Variants in COL4A5 observed in about 807,000 individuals in gnomAD.
COL4A5 encodes the protein collagen type IV alpha 5 chain.
A neutral mutation model predicts 130.2 loss-of-function variants in COL4A5; 26 were observed. The ratio of observed to expected loss-of-function variants is 0.20; its 90% confidence interval spans 0.15 to 0.28. The LOEUF is 0.28. Among genes scored for constraint, COL4A5 ranks in the 10% least tolerant of loss-of-function variants. The pLI, the probability that COL4A5 is intolerant of heterozygous loss-of-function variation, is 1.00. For missense variants in COL4A5, 1,131 were observed against 1,344.3 expected (o/e 0.84, Z 2.48); for synonymous variants, 496 against 439.6 (o/e 1.13, Z -1.60).
At position 108,443,596 on chromosome X, in the gene COL4A5, T is replaced by C. The variant is rs773131390; in HGVS notation, c.81+3390T>C. Among the ~76,000 whole-genome samples the C allele has an allele frequency of 7.1e-5, 8 of 112,116 alleles. No homozygotes were observed. The South Asian group carries it at 3.0e-3, about 42-fold the overall frequency. The stretch of plus-strand genomic sequence containing the variant: ...ATATATATCTTTAGTCTTATGCATA[T>C]ATCTATATATGTATCTGTCCCATGG... On this transcript the variant is annotated intron_variant, in intron 1 of 52. Transcript: ENST00000328300.
intron 22 of COL4A5, among the ~76,000 whole-genome samples, chrX:108,596,151 C>T (rs756536996): frequency 7.5e-4 from 84 of 112,283 alleles, no homozygotes; most frequent in Middle Eastern, 9.2e-3. Context: ...CCAGTATTCT[C>T]TTGAAATTAC....
chrX:108,632,228 G>A (rs1258069529), intron 36 of COL4A5, among the ~76,000 whole-genome samples: 1 of 110,501 alleles, frequency 9.0e-6, no homozygotes, highest in African/African-American at 3.3e-5. Context: ...GAAAATCTAG[G>A]AAGAAATGGA....
chrX:108,601,826 G>A, intron 26 of COL4A5, 59 bp from the exon 27 acceptor site: 1 of 689,347 alleles, frequency 1.5e-6, no homozygotes, highest in Non-Finnish European at 2.3e-6. Context: ...CACTGCACCT[G>A]GCCCTGATGG....
chrX:108,494,979 GTTAA>G (rs768526510), intron 1 of COL4A5, among the ~76,000 whole-genome samples: 1 of 111,510 alleles, frequency 9.0e-6, no homozygotes, highest in East Asian at 2.8e-4. Context: ...TATAGCTGTA[GTTAA>G]TTAAAACAGT....
Position 108,687,685 on chromosome X carries a change from C to G in COL4A5, c.4519C>G (p.Gln1507Glu). The G allele has an allele frequency of 1.7e-6, 2 of 1,205,219 alleles. No individual in the cohort carries two copies. The highest frequency in any genetic ancestry group is 2.2e-6 in the Non-Finnish European group (2 of 889,863). ...ACAAGGAAATAAAAGAGCCCACGGT[C>G]AAGACTTGGGTGAGATAATCAATAT... ...YVQGNKRAHG[Q>E]DLGTAGSCLR... The change falls in exon 49 of 53, where the codon CAA (glutamine) becomes GAA (glutamate). Residue 1507 changes from glutamine (Q) to glutamate (E), a missense_variant. Coordinates refer to ENST00000328300, the MANE Select transcript of COL4A5 (RefSeq NM_033380.3).
At chrX:108,656,260 A>G (rs1484753697) in intron 37 of COL4A5, among the ~76,000 whole-genome samples, 1 of 111,711 alleles carries the variant, frequency 9.0e-6, no homozygotes, top group Non-Finnish European at 1.9e-5. Context: ...GAAATCATAC[A>G]GTGATCCTTG....
At chrX:108,606,920 T>C (rs774753030) in intron 29 of COL4A5, 28 bp downstream of exon 29, 3 of 1,207,139 alleles carry the variant, frequency 2.5e-6, no homozygotes, top group Non-Finnish European at 3.4e-6. Flanking sequence ...GCATCTCAAC[T>C]TGCTTTTAAC....
intron 44 of COL4A5, among the ~76,000 whole-genome samples, chrX:108,679,100 A>G (rs2068371510): frequency 8.9e-6 from 1 of 112,304 alleles, no homozygotes; most frequent in African/African-American, 3.2e-5. Flanking sequence ...AAGGAGGTCC[A>G]TGATGTCTAT....
chrX:108,614,862 G>A lies in COL4A5; in HGVS notation c.2396-49G>A, dbSNP rs377031666. The A allele has an allele frequency of 5.6e-6, 5 of 887,381 alleles. No individual in the cohort carries two copies. In the African/African-American group the frequency reaches 7.9e-5, roughly 14 times the overall value. 73.1% of individuals were successfully genotyped at this position (887,381 alleles called of 1,213,427 possible). A position where few individuals can be genotyped will look rare whatever the true frequency, so the allele number is the denominator to read the frequency against. ...AATATGATATGGTTCCCAAGGACTA[G>A]TGACTCAGGTGTTGCTTTTAATATT... On this transcript the variant is annotated intron_variant, in intron 29 of 52. Coordinates refer to ENST00000328300, the MANE Select transcript of COL4A5 (RefSeq NM_033380.3).
At chrX:108,592,791 A>G (rs748727066) in intron 21 of COL4A5, among the ~76,000 whole-genome samples, 30 of 105,589 alleles carry the variant, frequency 2.8e-4, no homozygotes, top group Non-Finnish European at 4.5e-4. Context: ...ATGTGTATCC[A>G]TGTAATTACC....
intron 1 of COL4A5, among the ~76,000 whole-genome samples, chrX:108,517,197 A>G (rs1430661230): frequency 9.0e-6 from 1 of 111,405 alleles, no homozygotes; most frequent in African/African-American, 3.3e-5. Context: ...TTTATTTTTG[A>G]AAATATACGT....
chrX:108,526,614 TTC>T (rs1161454083), intron 1 of COL4A5, among the ~76,000 whole-genome samples: 2 of 57,899 alleles, frequency 3.5e-5, no homozygotes. Flanking sequence ...CTTTCTTTCT[TTC>T]TTTCTTTCTT....
chrX:108,486,528 G>A (rs1300083440), intron 1 of COL4A5, among the ~76,000 whole-genome samples: 3 of 111,326 alleles, frequency 2.7e-5, no homozygotes, highest in Non-Finnish European at 3.8e-5. Flanking sequence ...CCCGAGCAGT[G>A]TACACTGTAC....
intron 42 of COL4A5, among the ~76,000 whole-genome samples, chrX:108,673,458 G>C (rs1287535942): frequency 9.0e-6 from 1 of 110,888 alleles, no homozygotes; most frequent in African/African-American, 3.3e-5. Context: ...TAACCAAGGG[G>C]TGCTCTATTT....
chrX:108,463,724 G>T (rs2064676029), intron 1 of COL4A5, among the ~76,000 whole-genome samples: 1 of 111,628 alleles, frequency 9.0e-6, no homozygotes, highest in South Asian at 3.8e-4. Context: ...CACATTGTTA[G>T]CTTAGTGTAG....
rs372958273 is a variant in COL4A5, at chrX:108,494,968, A to G, written c.82-44778A>G. Among the ~76,000 whole-genome samples the G allele has an allele frequency of 9.1e-4, 102 of 111,605 alleles. 3 individuals carry two copies. The highest frequency in any genetic ancestry group is 3.0e-3 in the African/African-American group (92 of 30,822). ...ACTCTACATGATATTATGACCTACT[A>G]TATAGCTGTAGTTAATTAAAACAGT... On this transcript the variant is annotated intron_variant, in intron 1 of 52. Coordinates refer to ENST00000328300, the MANE Select transcript of COL4A5 (RefSeq NM_033380.3).
At chrX:108,569,530 C>T (rs1206582416) in intron 6 of COL4A5, among the ~76,000 whole-genome samples, 1 of 110,832 alleles carries the variant, frequency 9.0e-6, no homozygotes, top group Non-Finnish European at 1.9e-5. Flanking sequence ...CTTATTCCCT[C>T]CCCTTTCTCC....
At chrX:108,671,249 G>A (rs1012639028) in intron 42 of COL4A5, among the ~76,000 whole-genome samples, 4 of 111,886 alleles carry the variant, frequency 3.6e-5, no homozygotes, top group Non-Finnish European at 7.5e-5. Context: ...AAAATAAATA[G>A]TCCTTTTCAA....
chrX:108,533,899 A>T (rs183779516), intron 1 of COL4A5, among the ~76,000 whole-genome samples: 1 of 111,472 alleles, frequency 9.0e-6, no homozygotes, highest in Admixed American at 9.5e-5. Flanking sequence ...ACCTGAATAG[A>T]CATTTCTCAT....
Sources: gnomAD v4.1 joint callset for allele counts (sites outside exome capture counted in the v4.1 genomes callset) on GRCh38, gnomAD v4.1.1 for gene constraint, MANE v1.5 for transcripts, NCBI Gene and HGNC (gene_info 2026-07-23, HGNC 2026-07-21) for gene names.